Variants in GMDS observed in about 807,000 individuals in gnomAD.
GMDS encodes the protein GDP-mannose 4,6 dehydratase.
Under a neutral mutation model 49.9 loss-of-function variants are expected in GMDS, and 20 were observed. The ratio of observed to expected loss-of-function variants is 0.40; its 90% CI spans 0.28 to 0.58. The LOEUF (loss-of-function observed/expected upper bound fraction) is 0.58, where lower values mean the gene tolerates loss of function less well. GMDS is among the 20% of genes least tolerant of loss of function. GMDS has a pLI of 0.42. For synonymous variants in GMDS, 177 were observed against 178.6 expected, an observed-to-expected ratio of 0.99 and a Z score of 0.07; for missense variants, 362 against 481.4, an observed-to-expected ratio of 0.75 and a Z score of 2.32.
At chr6:1,997,408 T>G (rs1766357101) in intron 4 of GMDS, among the ~76,000 whole-genome samples, 1 of 149,378 alleles carries the variant, frequency 6.7e-6, no homozygotes, top group African/African-American at 2.5e-5. Flanking sequence ...CTCAGGAGGC[T>G]GAGGCAGGAG....
intron 1 of GMDS, among the ~76,000 whole-genome samples, chr6:2,240,233 A>G (rs539971497): frequency 6.6e-6 from 1 of 152,320 alleles, no homozygotes; most frequent in South Asian, 2.1e-4. Flanking sequence ...TAGATTCCCC[A>G]TGCAAAGCAA....
chr6:1,800,306 C>T (rs1769898339), intron 7 of GMDS, among the ~76,000 whole-genome samples: 1 of 152,224 alleles, frequency 6.6e-6, no homozygotes, highest in Non-Finnish European at 1.5e-5. Context: ...TATTGGTGAG[C>T]TTCTTCAACT....
Position 2,191,085 on chromosome 6 carries a change from T to G in GMDS, c.102+54236A>C, listed in dbSNP as rs1049818352. Among the ~76,000 whole-genome samples the G allele has an allele frequency of 2.0e-5, 3 of 152,024 alleles. No individual in the cohort carries two copies. The highest frequency in any genetic ancestry group is 7.2e-5 in the African/African-American group (3 of 41,408). ...GTGCCCACTACAGGGACCCAGCCAG[T>G]GGTGCGGTCACCACGCCCACTGCAC... On this transcript the variant is annotated intron_variant, in intron 1 of 10. Coordinates refer to ENST00000380815, the MANE Select transcript of GMDS (RefSeq NM_001500.4). This position sits in a 1 kb window ranked among gnomAD's most constrained non-coding sequence, Gnocchi z 4.6.
intron 8 of GMDS, among the ~76,000 whole-genome samples, chr6:1,739,534 C>T (rs551067025): frequency 1.3e-5 from 2 of 152,376 alleles, no homozygotes; most frequent in South Asian, 4.1e-4. Context: ...TCCCAGAATC[C>T]TCACACCCTG....
At chr6:1,786,015 T>C (rs1050647103) in intron 7 of GMDS, among the ~76,000 whole-genome samples, 35 of 152,160 alleles carry the variant, frequency 2.3e-4, no homozygotes, top group Non-Finnish European at 8.8e-5. Flanking sequence ...AGATGTTAAA[T>C]ATGACAGCGG....
intron 7 of GMDS, among the ~76,000 whole-genome samples, chr6:1,903,393 T>G (rs910298823): frequency 1.3e-5 from 2 of 152,256 alleles, no homozygotes; most frequent in African/African-American, 2.4e-5. Context: ...GGCACCCTTT[T>G]GTTGAGTACA....
chr6:1,974,322 A>T (rs1764777026), intron 4 of GMDS, among the ~76,000 whole-genome samples: 1 of 152,202 alleles, frequency 6.6e-6, no homozygotes, highest in African/African-American at 2.4e-5. Context: ...AAGCAAAAGG[A>T]AAATGGGAAA....
intron 1 of GMDS, among the ~76,000 whole-genome samples, chr6:2,136,908 A>AAC: frequency 6.7e-5 from 1 of 14,964 alleles, no homozygotes; most frequent in Non-Finnish European, 1.1e-4. Flanking sequence ...ATTTCAAACA[A>AAC]AAAAAAAAAA....
chr6:1,887,168 T>C (rs900187035), intron 7 of GMDS, among the ~76,000 whole-genome samples: 8 of 152,186 alleles, frequency 5.3e-5, no homozygotes, highest in African/African-American at 1.9e-4. Flanking sequence ...TATTCAATAA[T>C]ACCTTTTTGA....
intron 4 of GMDS, among the ~76,000 whole-genome samples, chr6:2,077,013 C>T (rs1424925588): frequency 6.6e-6 from 1 of 151,996 alleles, no homozygotes; most frequent in African/African-American, 2.4e-5. Flanking sequence ...AAATCTTTAC[C>T]TCCTTGGTTA....
At chr6:1,997,337 A>G (rs974452364) in intron 4 of GMDS, among the ~76,000 whole-genome samples, 1 of 151,808 alleles carries the variant, frequency 6.6e-6, no homozygotes, top group Non-Finnish European at 1.5e-5. Context: ...GTGAAACACC[A>G]TCTCTACTAA....
Position 2,033,261 on chromosome 6 carries a change from A to G in GMDS, c.346-72295T>C, listed in dbSNP as rs148837304. Among the ~76,000 whole-genome samples the G allele has an allele frequency of 4.0e-3, 614 of 152,332 alleles. 8 individuals are homozygous for G. The highest frequency in any genetic ancestry group is 0.014 in the African/African-American group (583 of 41,586). On this transcript the variant is annotated intron_variant, in intron 4 of 10. Transcript: ENST00000380815. ...AATTGCTGAAAGACACCACAAACCC[A>G]ATCATGTGGTTAGGAGTAAAGAAGG...
intron 9 of GMDS, among the ~76,000 whole-genome samples, chr6:1,707,495 T>C (rs1006160114): frequency 4.1e-5 from 6 of 145,164 alleles, no homozygotes; most frequent in African/African-American, 1.5e-4. Flanking sequence ...TCCATGGCGT[T>C]GTCCAGGGTG....
At chr6:2,244,038 AT>A (rs1029657827) in intron 1 of GMDS, among the ~76,000 whole-genome samples, 9 of 150,758 alleles carry the variant, frequency 6.0e-5, no homozygotes, top group African/African-American at 1.9e-4. Context: ...CATTTTTTAA[AT>A]TTTTTTGTAG....
At chr6:2,145,830 C>T (rs1358005228) in intron 1 of GMDS, among the ~76,000 whole-genome samples, 1 of 152,140 alleles carries the variant, frequency 6.6e-6, no homozygotes, top group African/African-American at 2.4e-5. Flanking sequence ...AGTTCAGGAC[C>T]AGCCTGGCTA....
chr6:1,802,886 T>C (rs1770006265), intron 7 of GMDS, among the ~76,000 whole-genome samples: 1 of 152,236 alleles, frequency 6.6e-6, no homozygotes, highest in Non-Finnish European at 1.5e-5. Context: ...CTCCAGCTCC[T>C]ACATTTCTTG....
rs144106815 is a variant in GMDS at position 2,177,467 on chromosome 6, T to C, written c.103-52736A>G. On this transcript the variant is annotated intron_variant, in intron 1 of 10. Coordinates refer to ENST00000380815, the MANE Select transcript of GMDS (RefSeq NM_001500.4). ...CAACAAAATACTGGCAAACTGAATCTAGCAGCACATCAAAAAGTTTATTCA... is the reference window on the plus strand; with the variant it reads ...CAACAAAATACTGGCAAACTGAATCCAGCAGCACATCAAAAAGTTTATTCA... Among the ~76,000 whole-genome samples the C allele has an allele frequency of 7.3e-3, 1,113 of 152,242 alleles. 12 individuals are homozygous for C. Among genetic ancestry groups the C allele is most frequent in the African/African-American group, 0.026 (1,062 of 41,546 alleles).
At chr6:1,802,413 A>T (rs1474241822) in intron 7 of GMDS, among the ~76,000 whole-genome samples, 1 of 152,272 alleles carries the variant, frequency 6.6e-6, no homozygotes, top group South Asian at 2.1e-4. Flanking sequence ...CTAATAAGGC[A>T]GGAAGTATAT....
At chr6:1,704,346 T>C (rs1215488006) in intron 9 of GMDS, among the ~76,000 whole-genome samples, 1 of 151,516 alleles carries the variant, frequency 6.6e-6, no homozygotes, top group Non-Finnish European at 1.5e-5. Flanking sequence ...GAAACCAGGT[T>C]CTGGGCACTC....
Sources: allele counts gnomAD v4.1 joint callset (sites outside exome capture counted in the v4.1 genomes callset), GRCh38; gene constraint gnomAD v4.1.1; non-coding constraint Gnocchi (gnomAD v3.1); transcripts MANE v1.5; gene names NCBI Gene and HGNC (gene_info 2026-07-23, HGNC 2026-07-21).